SCP2: variants seen among roughly 807,000 people sequenced by gnomAD.
SCP2 encodes the protein SCP-2/3-oxoacyl-CoA thiolase.
SCP2 carries 48 observed loss-of-function variants against 71.4 expected under a neutral mutation model. That is an observed-to-expected ratio of 0.67 (90% CI 0.53 to 0.86). The LOEUF (loss-of-function observed/expected upper bound fraction) is 0.86, where lower values mean the gene tolerates loss of function less well. SCP2 is among the 40% of genes least tolerant of loss of function. The pLI is 0.00. For missense variants in SCP2, 560 were observed against 655.6 expected, an observed-to-expected ratio of 0.85 and a Z score of 1.59; for synonymous variants, 220 against 218.1, an observed-to-expected ratio of 1.01 and a Z score of -0.08.
At chr1:52,972,429 G>A (rs1296946308) in intron 6 of SCP2, among the ~76,000 whole-genome samples, 5 of 152,016 alleles carry the variant, frequency 3.3e-5, no homozygotes, top group East Asian at 1.9e-4. Flanking sequence ...CCTATGTTAC[G>A]AAAAAAGGAA....
rs368943546 is a variant in SCP2 at position 53,004,178 on chromosome 1, C to A, written c.1082-10712C>A. On this transcript the variant is annotated intron_variant, in intron 11 of 15. Coordinates refer to ENST00000371514, the MANE Select transcript of SCP2 (RefSeq NM_002979.5). ...CCAGGTGGGGTGGAGCTGAATGGTGCGAGATTTTATCATGCTACTCAGAAC... is the reference window on the plus strand; with the variant it reads ...CCAGGTGGGGTGGAGCTGAATGGTGAGAGATTTTATCATGCTACTCAGAAC... Among the ~76,000 whole-genome samples, 11 of 152,188 alleles carry A rather than the reference C, an allele frequency of 7.2e-5. No individual in the cohort carries two copies. In the South Asian group the frequency reaches 2.1e-3, roughly 29 times the overall value.
At chr1:52,990,733 C>CAAAAAAAAA (rs61221989) in intron 11 of SCP2, among the ~76,000 whole-genome samples, 1 of 62,408 alleles carries the variant, frequency 1.6e-5, no homozygotes, top group Non-Finnish European at 3.1e-5. Flanking sequence ...GACTCCGTCT[C>CAAAAAAAAA]AAAAAAAAAA....
At chr1:53,023,942 C>G (rs1661926367) in intron 12 of SCP2, among the ~76,000 whole-genome samples, 1 of 152,152 alleles carries the variant, frequency 6.6e-6, no homozygotes, top group South Asian at 2.1e-4. Flanking sequence ...CAACTTCCAT[C>G]CAAGACCTAC....
At chr1:52,993,388 T>A in intron 11 of SCP2, 1 of 1,614,218 alleles carries the variant, frequency 6.2e-7, no homozygotes, top group Non-Finnish European at 8.5e-7. Flanking sequence ...ACTGCCGTCC[T>A]TCTTCCTGTG....
intron 12 of SCP2, among the ~76,000 whole-genome samples, chr1:53,027,336 G>C (rs1662205348): frequency 6.6e-6 from 1 of 151,658 alleles, no homozygotes; most frequent in African/African-American, 2.4e-5. Context: ...TTACAGGTGT[G>C]AGCCACTGTG....
At chr1:52,936,052 G>A (rs1653715333) in intron 1 of SCP2, among the ~76,000 whole-genome samples, 1 of 152,162 alleles carries the variant, frequency 6.6e-6, no homozygotes, top group South Asian at 2.1e-4. Flanking sequence ...TAATGCTAAA[G>A]TTTGAATGAA....
chr1:53,008,943 A>C (rs1363596488), intron 11 of SCP2, among the ~76,000 whole-genome samples: 1 of 152,250 alleles, frequency 6.6e-6, no homozygotes, highest in Admixed American at 6.5e-5. Context: ...CTCAGGGTAC[A>C]AAATCAATGT....
At chr1:52,934,983 G>GC (rs1653572178) in intron 1 of SCP2, 1 of 148,578 alleles carries the variant, frequency 6.7e-6, no homozygotes, top group Admixed American at 6.6e-5. Flanking sequence ...AGAAACGTCG[G>GC]CCCGGGAGCG....
In SCP2 at chr1:52,992,379, T is replaced by C. The variant is rs377504461; in HGVS notation, c.1081+4243T>C. 2.7e-4 allele frequency among the ~76,000 whole-genome samples: 41 copies of C among 152,348 alleles called. 1 individual carries two copies. The highest frequency in any genetic ancestry group is 9.6e-4 in the African/African-American group (40 of 41,584). On this transcript the variant is annotated intron_variant, in intron 11 of 15. Coordinates refer to ENST00000371514, the MANE Select transcript of SCP2 (RefSeq NM_002979.5). ...TCATCTCTGACCCCAGAAAGATCAA[T>C]TCCATATTTTATATTACAAACAAAA... is the stretch of plus-strand genomic sequence containing the variant.
chr1:53,017,932 G>A (rs1255541778), intron 12 of SCP2, among the ~76,000 whole-genome samples: 1 of 152,128 alleles, frequency 6.6e-6, no homozygotes, highest in Non-Finnish European at 1.5e-5. Flanking sequence ...TCGGCTCACT[G>A]CAACCTCCGC....
chr1:53,004,838 G>A (rs12562217), intron 11 of SCP2, among the ~76,000 whole-genome samples: 5,674 of 152,222 alleles, frequency 0.037, 212 homozygotes, highest in East Asian at 0.2. Context: ...TGCCTCACCC[G>A]GGAAGTGCAA....
In SCP2 at chr1:53,021,961, A is replaced by T. The variant is rs187511919; in HGVS notation, c.1236-6008A>T. 4.5e-3 allele frequency among the ~76,000 whole-genome samples: 681 copies of T among 152,270 alleles called. 7 individuals carry two copies. The highest frequency in any genetic ancestry group is 0.016 in the African/African-American group (653 of 41,560). ...TGCCCGGCCTCATCAACCATTTTTT[A>T]AAAATTATTTCAGATAACTTTATTA... is the stretch of plus-strand genomic sequence containing the variant. On this transcript the variant is annotated intron_variant, in intron 12 of 15. Transcript: ENST00000371514.
Position 53,039,065 on chromosome 1 carries a change from T to G in SCP2, c.1468+19T>G, listed in dbSNP as rs766433181. 1 of 1,613,994 alleles carries G rather than the reference T, an allele frequency of 6.2e-7. No individual in the cohort carries two copies. The highest frequency in any genetic ancestry group is 1.1e-5 in the South Asian group (1 of 91,080). ...AACTCAGGTTAGTTTGGGAATGACTTCATTCTAGGAGCACTGACGAGTTTA... is the reference window on the plus strand; with the variant it reads ...AACTCAGGTTAGTTTGGGAATGACTGCATTCTAGGAGCACTGACGAGTTTA... On this transcript the variant is annotated intron_variant, in intron 14 of 15. Coordinates refer to ENST00000371514, the MANE Select transcript of SCP2 (RefSeq NM_002979.5).
chr1:52,976,465 G>C (rs573681250), intron 7 of SCP2, among the ~76,000 whole-genome samples: 53 of 152,266 alleles, frequency 3.5e-4, no homozygotes, highest in Non-Finnish European at 6.2e-4. Flanking sequence ...TCCAAGCCAG[G>C]AACCCAGGAC....
intron 10 of SCP2, among the ~76,000 whole-genome samples, chr1:52,984,439 G>A (rs1186478876): frequency 2.6e-5 from 4 of 151,788 alleles, no homozygotes; most frequent in Non-Finnish European, 5.9e-5. Flanking sequence ...TGTAATCAAT[G>A]CAAGAGATAA....
At position 52,988,079 on chromosome 1, in the gene SCP2, T is replaced by C; in HGVS notation, c.1024T>C (p.Trp342Arg). 6.2e-7 allele frequency: 1 copy of C among 1,609,278 alleles called. No individual in the cohort carries two copies. The change falls in exon 11 of 16, where the codon TGG becomes CGG. Residue 342 changes from tryptophan to arginine, a missense_variant. Trp to Arg is a moderately radical substitution (Grantham distance 101). This residue lies in a region of SCP2 where 513 missense variants were observed against 573.1 expected (regional missense o/e 0.90). Coordinates refer to ENST00000371514, the MANE Select transcript of SCP2 (RefSeq NM_002979.5). ...AGGAGATAATACATATGGAGGAAAGTGGGTCATAAATCCTAGTGGTGGACT... is the reference window on the plus strand; with the variant it reads ...AGGAGATAATACATATGGAGGAAAGCGGGTCATAAATCCTAGTGGTGGACT... ...DRGDNTYGGK[W>R]VINPSGGLIS...
chr1:52,977,214 G>A (rs1208803143), intron 8 of SCP2, among the ~76,000 whole-genome samples: 1 of 152,092 alleles, frequency 6.6e-6, no homozygotes, highest in Non-Finnish European at 1.5e-5. Flanking sequence ...GACAGTATCT[G>A]TCTCCTAGAA....
At chr1:52,990,733 CAAAAAAAAA>C (rs61221989) in intron 11 of SCP2, among the ~76,000 whole-genome samples, 1 of 62,408 alleles carries the variant, frequency 1.6e-5, no homozygotes, top group African/African-American at 5.0e-5. Context: ...GACTCCGTCT[CAAAAAAAAA>C]AAAAAAAAAA....
chr1:53,021,369 T>C (rs1392847833), intron 12 of SCP2, among the ~76,000 whole-genome samples: 1 of 145,060 alleles, frequency 6.9e-6, no homozygotes, highest in Non-Finnish European at 1.5e-5. Context: ...CAGGCTGGAG[T>C]GCAGTTGCGC....
Sources: allele counts gnomAD v4.1 joint callset (sites outside exome capture counted in the v4.1 genomes callset), GRCh38; gene constraint gnomAD v4.1.1; regional missense constraint gnomAD v4.1.1; transcripts MANE v1.5; gene names NCBI Gene and HGNC (gene_info 2026-07-23, HGNC 2026-07-21).